Variants in DNTT observed in about 807,000 individuals in gnomAD.
DNTT encodes DNA nucleotidylexotransferase, also known as nucleosidetriphosphate:DNA deoxynucleotidylexotransferase.
A neutral mutation model predicts 60.9 loss-of-function variants in DNTT; 47 were observed. The observed-to-expected ratio is 0.77, with a 90% CI of 0.61 to 0.98. The LOEUF is 0.98. Among genes scored for constraint, DNTT ranks in the 50% least tolerant of loss-of-function variants. DNTT has a pLI of 0.00. For synonymous variants in DNTT, 224 were observed against 221.2 expected, an observed-to-expected ratio of 1.01 and a Z score of -0.11; for missense variants, 665 against 627.5, an observed-to-expected ratio of 1.06 and a Z score of -0.64.
At chr10:96,309,630 C>T (rs1844686180) in intron 1 of DNTT, among the ~76,000 whole-genome samples, 1 of 152,178 alleles carries the variant, frequency 6.6e-6, no homozygotes, top group Non-Finnish European at 1.5e-5. Flanking sequence ...AAAACCATCG[C>T]CTCCAAAAGT....
At chr10:96,311,870 T>G (rs987144802) in intron 1 of DNTT, among the ~76,000 whole-genome samples, 4 of 152,164 alleles carry the variant, frequency 2.6e-5, no homozygotes, top group African/African-American at 9.7e-5. Context: ...TCTTGAACTC[T>G]TGACCTCAAG....
intron 1 of DNTT, 66 bp from the exon 2 acceptor site, chr10:96,318,286 A>G: frequency 6.5e-7 from 1 of 1,537,400 alleles, no homozygotes; most frequent in South Asian, 1.3e-5. Flanking sequence ...AGAAACCTTG[A>G]GGAAAGAGGA....
Position 96,319,275 on chromosome 10 carries a change from A to G in DNTT, c.392A>G (p.Tyr131Cys), listed in dbSNP as rs760672365. 3 of 1,613,846 alleles carry G rather than the reference A, an allele frequency of 1.9e-6. No homozygotes were observed. In the South Asian group the frequency reaches 3.3e-5, roughly 18 times the overall value. ...GKHQLVVRRD[Y>C]SDSTNPGPPK... Reference sequence around the variant, plus strand: ...GCATTTGTTTAGGTGAGAAGAGACTATTCAGATAGCACCAACCCAGGCCCC... The same window carrying G: ...GCATTTGTTTAGGTGAGAAGAGACTGTTCAGATAGCACCAACCCAGGCCCC... Residue 131 changes from tyrosine to cysteine, a missense_variant, in exon 3 of 11, where the codon TAT (tyrosine) becomes TGT (cysteine). Tyr to Cys is a radical substitution (Grantham distance 194). Transcript: ENST00000371174.
chr10:96,331,693 G>A (rs886699391), intron 8 of DNTT, among the ~76,000 whole-genome samples: 16 of 152,170 alleles, frequency 1.1e-4, no homozygotes, highest in African/African-American at 3.6e-4. Flanking sequence ...AAATTTCTAC[G>A]TGAGATTTAG....
Position 96,314,402 on chromosome 10 carries a change from CTTTTTTTTTTTTT to C in DNTT, c.204-3934_204-3922del, listed in dbSNP as rs869059822. 1.5e-4 allele frequency among the ~76,000 whole-genome samples: 8 copies of C among 53,218 alleles called. No homozygotes were observed. The South Asian group carries it at 6.2e-3, about 41-fold the overall frequency. 34.9% of individuals were successfully genotyped at this position (53,218 alleles called of 152,430 possible). A position where few individuals can be genotyped will look rare whatever the true frequency, so the allele number is the denominator to read the frequency against. On this transcript the variant is annotated intron_variant, in intron 1 of 10. Coordinates refer to ENST00000371174, the MANE Select transcript of DNTT (RefSeq NM_004088.4). ...TAACATTTCCAAGGCTATCTCTTCC[CTTTTTTTTTTTTT>C]TTTTTTTTTTTTTTTGAGATGGAGT... is the stretch of plus-strand genomic sequence containing the variant.
At chr10:96,329,847 G>A (rs193094348) in intron 8 of DNTT, among the ~76,000 whole-genome samples, 5 of 152,252 alleles carry the variant, frequency 3.3e-5, no homozygotes, top group Admixed American at 3.3e-4. Context: ...ACTAAATTTG[G>A]ACGGAGCCTT....
chr10:96,315,089 A>G (rs1334920140), intron 1 of DNTT, among the ~76,000 whole-genome samples: 1 of 152,234 alleles, frequency 6.6e-6, no homozygotes, highest in African/African-American at 2.4e-5. Flanking sequence ...CTAGCTGGCC[A>G]CATGCAGAGG....
In DNTT at chr10:96,332,569, T is replaced by C. The variant is rs2133995361; in HGVS notation, c.1332T>C (p.Phe444=). The C allele has an allele frequency of 6.2e-7, 1 of 1,612,998 alleles. No homozygotes were observed. Among genetic ancestry groups the C allele is most frequent in the Non-Finnish European group, 8.5e-7 (1 of 1,179,608 alleles). The change falls in exon 9 of 11, where the codon TTT becomes TTC. Residue 444 remains phenylalanine (F), a synonymous_variant. Transcript: ENST00000371174. ...LVLCPYERRA[F]ALLGWTGSRQ... is the part of the protein sequence containing the mutation. ...TGTGCCCCTACGAGCGTCGTGCCTT[T>C]GCCCTGTTGGGATGGACTGGCTCCC...
At chr10:96,323,664 G>A (rs1844906550) in intron 5 of DNTT, among the ~76,000 whole-genome samples, 1 of 152,120 alleles carries the variant, frequency 6.6e-6, no homozygotes, top group Admixed American at 6.5e-5. Context: ...TTACTTGGAA[G>A]CAGGGTTTAT....
intron 1 of DNTT, among the ~76,000 whole-genome samples, chr10:96,310,349 T>C (rs368790667): frequency 4.6e-5 from 7 of 152,334 alleles, no homozygotes; most frequent in African/African-American, 1.7e-4. Flanking sequence ...ATCAAAATAT[T>C]CAAAGTCATT....
In DNTT at chr10:96,327,575, G is replaced by C; in HGVS notation, c.982G>C (p.Val328Leu). ...AVWAFLPDAF[V>L]TMTGGFRRGK... ...CTGGGCATTTCTTCCGGATGCTTTC[G>C]TCACCATGACAGGAGGGTTCCGGAG... Residue 328 changes from valine (V) to leucine (L), a missense_variant, in exon 7 of 11, where the codon GTC becomes CTC. Val to Leu is a conservative substitution (Grantham distance 32). Transcript: ENST00000371174. 1 of 1,613,896 alleles carries C rather than the reference G, an allele frequency of 6.2e-7. No individual in the cohort carries two copies.
At chr10:96,336,556 C>T (rs1845072172) in intron 10 of DNTT, among the ~76,000 whole-genome samples, 1 of 152,156 alleles carries the variant, frequency 6.6e-6, no homozygotes, top group South Asian at 2.1e-4. Flanking sequence ...AGTTAAATAT[C>T]CAACTGTTAA....
At chr10:96,336,177 G>A (rs961660342) in intron 10 of DNTT, among the ~76,000 whole-genome samples, 1 of 152,228 alleles carries the variant, frequency 6.6e-6, no homozygotes, top group Non-Finnish European at 1.5e-5. Context: ...CAATTCGAGA[G>A]ATTTTGGCTG....
rs1844608191 is a variant in DNTT, at chr10:96,304,526, G to A, written c.29G>A (p.Ser10Asn). 1.9e-6 allele frequency: 3 copies of A among 1,613,946 alleles called. No homozygotes were observed. Among genetic ancestry groups the A allele is most frequent in the Non-Finnish European group, 1.7e-6 (2 of 1,180,006 alleles). The change falls in exon 1 of 11, where the codon AGC (serine) becomes AAC (asparagine). Residue 10 changes from serine to asparagine, a missense_variant. Transcript: ENST00000371174. ...GATCCACCACGAGCGTCCCACTTGA[G>A]CCCTCGGAAGAAGAGACCCCGGCAG... MDPPRASHLSPRKKRPRQTG... is the reference protein window; with the variant it reads MDPPRASHLNPRKKRPRQTG...
At chr10:96,324,444 G>A in intron 6 of DNTT, 55 bp downstream of exon 6, 1 of 1,604,206 alleles carries the variant, frequency 6.2e-7, no homozygotes, top group South Asian at 1.1e-5. Flanking sequence ...GGTCGTGGTG[G>A]AGCTCTAAGT....
chr10:96,336,520 C>T (rs557895843), intron 10 of DNTT, among the ~76,000 whole-genome samples: 4 of 152,296 alleles, frequency 2.6e-5, no homozygotes, highest in South Asian at 2.1e-4. Flanking sequence ...CTCAGCAAAA[C>T]GATAGATGCC....
intron 5 of DNTT, 152 bp downstream of exon 5, chr10:96,322,880 GATCA>G: frequency 1.7e-6 from 1 of 603,002 alleles, no homozygotes; most frequent in Non-Finnish European, 2.8e-6. Flanking sequence ...CACCATTCTG[GATCA>G]AGATGTCAGC....
Position 96,338,303 on chromosome 10 carries a change from G to A in DNTT, c.*79G>A. The A allele has an allele frequency of 1.5e-6, 2 of 1,353,808 alleles. No homozygotes were observed. The highest frequency in any genetic ancestry group is 2.0e-4 in the Middle Eastern group (1 of 4,890). 83.9% of individuals were successfully genotyped at this position (1,353,808 alleles called of 1,614,324 possible). A position where few individuals can be genotyped will look rare whatever the true frequency, so the allele number is the denominator to read the frequency against. On this transcript the variant is annotated 3_prime_UTR_variant, in exon 11 of 11. Coordinates refer to ENST00000371174, the MANE Select transcript of DNTT (RefSeq NM_004088.4). The stretch of plus-strand genomic sequence containing the variant: ...TTCATATTAGTAAAAGATGCCATAG[G>A]AGAGTTTGGGGTTATTTAGGTCTTA...
intron 1 of DNTT, among the ~76,000 whole-genome samples, chr10:96,310,132 A>T (rs905460042): frequency 6.6e-6 from 1 of 152,152 alleles, no homozygotes. Flanking sequence ...CAACCCCCCT[A>T]CTACCCCTCA....
Sources: allele counts gnomAD v4.1 joint callset (sites outside exome capture counted in the v4.1 genomes callset), GRCh38; gene constraint gnomAD v4.1.1; transcripts MANE v1.5; gene names NCBI Gene and HGNC (gene_info 2026-07-23, HGNC 2026-07-21).